Variants in BSCL2 observed in about 807,000 individuals in gnomAD.
The protein encoded by BSCL2 is seipin.
A neutral mutation model predicts 57.4 loss-of-function variants in BSCL2; 41 were observed. The observed-to-expected ratio is 0.71, with a 90% confidence interval of 0.56 to 0.93. The LOEUF is 0.93. Among genes scored for constraint, BSCL2 ranks in the 40% least tolerant of loss-of-function variants. The pLI, the probability that BSCL2 is intolerant of heterozygous loss-of-function variation, is 0.00. For missense variants in BSCL2, 539 were observed against 586.7 expected, an observed-to-expected ratio of 0.92 and a Z score of 0.84; for synonymous variants, 237 against 227.3, an observed-to-expected ratio of 1.04 and a Z score of -0.38.
chr11:62,708,987 C>T, upstream of BSCL2: 1 of 610,520 alleles, frequency 1.6e-6, no homozygotes, highest in Non-Finnish European at 2.9e-6. Context: ...TTTCCTACCA[C>T]CTTTGTGGCC....
chr11:62,704,868 A>G (rs932129160), intron 2 of BSCL2, among the ~76,000 whole-genome samples: 5 of 152,148 alleles, frequency 3.3e-5, no homozygotes, highest in African/African-American at 1.2e-4. Context: ...TGTTTCCATA[A>G]TCTCTATTGT....
At chr11:62,699,439 G>A (rs900585914) in intron 3 of BSCL2, among the ~76,000 whole-genome samples, 26 of 151,904 alleles carry the variant, frequency 1.7e-4, no homozygotes, top group African/African-American at 5.6e-4. Flanking sequence ...CATGTGATCC[G>A]CCTGCCTCGG....
At chr11:62,708,548 TG>T (rs1283549995), upstream of BSCL2, 40 of 1,380,560 alleles carry the variant, frequency 2.9e-5, no homozygotes, top group African/African-American at 7.2e-5. Context: ...CCCAGGCCTC[TG>T]GGGGGGATGA....
chr11:62,694,317 C>T (rs892396839), intron 4 of BSCL2, among the ~76,000 whole-genome samples: 4 of 150,876 alleles, frequency 2.7e-5, no homozygotes, highest in African/African-American at 4.9e-5. Context: ...GATCCTCCCA[C>T]CTCAGCCTCT....
chr11:62,692,342 AGTTGCCCAAG>A, intron 6 of BSCL2, 24 bp downstream of exon 6: 1 of 1,604,480 alleles, frequency 6.2e-7, no homozygotes, highest in Non-Finnish European at 8.5e-7. Flanking sequence ...CCCCGTGAAG[AGTTGCCCAAG>A]GTTCACTCCA....
At chr11:62,708,031 G>T, upstream of BSCL2, 1 of 499,266 alleles carries the variant, frequency 2.0e-6, no homozygotes, top group Middle Eastern at 5.6e-4. Context: ...ATGGTTTGAA[G>T]GGCTGAAAAG....
chr11:62,702,159 C>T (rs1252325864), intron 3 of BSCL2, among the ~76,000 whole-genome samples: 37 of 151,918 alleles, frequency 2.4e-4, no homozygotes, highest in Admixed American at 1.8e-3. Context: ...CTCCTCCTCC[C>T]GGATTCAAGT....
At chr11:62,704,539 C>A (rs1004059732) in intron 2 of BSCL2, among the ~76,000 whole-genome samples, 1 of 149,474 alleles carries the variant, frequency 6.7e-6, no homozygotes, top group Admixed American at 6.8e-5. Context: ...GAGCAAGACT[C>A]CATCTCAAAA....
chr11:62,708,653 A>G, upstream of BSCL2: 2 of 1,612,904 alleles, frequency 1.2e-6, no homozygotes. Context: ...CCTGGCTAAC[A>G]ATACCCTTCC....
At chr11:62,701,851 GA>G (rs1402797572) in intron 3 of BSCL2, among the ~76,000 whole-genome samples, 1 of 148,926 alleles carries the variant, frequency 6.7e-6, no homozygotes, top group Non-Finnish European at 1.5e-5. Context: ...AAAAAAGAAA[GA>G]GAGTGAAAAA....
chr11:62,708,410 G>C, upstream of BSCL2: 1 of 1,566,430 alleles, frequency 6.4e-7, no homozygotes, highest in Non-Finnish European at 8.8e-7. Context: ...TGGGACCCTG[G>C]CTGGCTCCCA....
intron 2 of BSCL2, among the ~76,000 whole-genome samples, chr11:62,703,853 C>T (rs1590883373): frequency 6.6e-6 from 1 of 151,640 alleles, no homozygotes; most frequent in Non-Finnish European, 1.5e-5. Context: ...GGCGCAGTGG[C>T]TCATGCTTGT....
intron 6 of BSCL2, among the ~76,000 whole-genome samples, chr11:62,691,821 T>C (rs537659593): frequency 6.6e-6 from 1 of 152,012 alleles, no homozygotes; most frequent in Non-Finnish European, 1.5e-5. Flanking sequence ...GAGGCCAAGG[T>C]GGACGGATCA....
In BSCL2 at chr11:62,694,433, G is replaced by A. The variant is rs1161873311; in HGVS notation, c.630+135C>T. 4.5e-6 allele frequency: 6 copies of A among 1,323,746 alleles called. No homozygotes were observed. In the South Asian group the frequency reaches 6.1e-5, roughly 13 times the overall value. 82.0% of individuals were successfully genotyped at this position (1,323,746 alleles called of 1,614,324 possible). A position where few individuals can be genotyped will look rare whatever the true frequency, so the allele number is the denominator to read the frequency against. ...TTGCCCAGGCCAGTCTTGAACTCCT[G>A]GGCTCAAGCGATCTGCCTGCCTCGG... On this transcript the variant is annotated intron_variant, in intron 4 of 10. Transcript: ENST00000360796.
intron 2 of BSCL2, among the ~76,000 whole-genome samples, chr11:62,703,544 G>C (rs543531233): frequency 6.6e-6 from 1 of 151,166 alleles, no homozygotes; most frequent in South Asian, 2.1e-4. Flanking sequence ...GTAGAGACAG[G>C]GTTTCACGGT....
In BSCL2 at chr11:62,707,145, C is replaced by A; in HGVS notation, c.51G>T (p.Val17=). 6.4e-7 allele frequency: 1 copy of A among 1,554,706 alleles called. No individual in the cohort carries two copies. Among genetic ancestry groups the A allele is most frequent in the South Asian group, 1.2e-5 (1 of 84,292 alleles). Residue 17 remains valine (V), a synonymous_variant, in exon 1 of 11, where the codon GTG becomes GTT. Coordinates refer to ENST00000360796, the MANE Select transcript of BSCL2 (RefSeq NM_001122955.4). The part of the protein sequence containing the change: ...DQKEEAGEKE[V]CGDQIKGPDK... ...CCGGTCCTTTGATCTGGTCTCCGCA[C>A]ACCTCTTTTTCCCCAGCTTCCTCCT...
chr11:62,699,844 A>C (rs984814693), intron 3 of BSCL2, among the ~76,000 whole-genome samples: 1 of 151,584 alleles, frequency 6.6e-6, no homozygotes, highest in Non-Finnish European at 1.5e-5. Context: ...ACACCTGGCT[A>C]ATTTTTGTAT....
At chr11:62,699,924 C>G (rs1945590097) in intron 3 of BSCL2, among the ~76,000 whole-genome samples, 1 of 151,696 alleles carries the variant, frequency 6.6e-6, no homozygotes, top group African/African-American at 2.4e-5. Flanking sequence ...GGTGACCCAC[C>G]TGCCTCCTCA....
Position 62,694,679 on chromosome 11 carries a change from G to C in BSCL2, c.519C>G (p.Thr173=). The change falls in exon 4 of 11, where the codon ACC becomes ACG. Residue 173 remains threonine (T), a synonymous_variant. Coordinates refer to ENST00000360796, the MANE Select transcript of BSCL2 (RefSeq NM_001122955.4). The stretch of plus-strand genomic sequence containing the variant: ...GGGACTCTGGCAGCTCAAGCTCTAA[G>C]GTAACACGATACGGCTGTCCATACA... ...VLMYGQPYRV[T]LELELPESPV... The C allele has an allele frequency of 6.2e-7, 1 of 1,614,148 alleles. No individual in the cohort carries two copies. Among genetic ancestry groups the C allele is most frequent in the Non-Finnish European group, 8.5e-7 (1 of 1,180,036 alleles).
Sources: gnomAD v4.1 joint callset for allele counts (sites outside exome capture counted in the v4.1 genomes callset) on GRCh38, gnomAD v4.1.1 for gene constraint, MANE v1.5 for transcripts, NCBI Gene and HGNC (gene_info 2026-07-23, HGNC 2026-07-21) for gene names.